Variants in GALNTL6 observed in about 807,000 individuals in gnomAD.
GALNTL6 encodes polypeptide N-acetylgalactosaminyltransferase-like 6.
A neutral mutation model predicts 73.7 loss-of-function variants in GALNTL6; 46 were observed. The ratio of observed to expected loss-of-function variants is 0.62; its 90% CI spans 0.49 to 0.80. The LOEUF (loss-of-function observed/expected upper bound fraction) is 0.80. Ranked by LOEUF, GALNTL6 falls within the 30% of genes least tolerant of loss-of-function variation. The pLI is 0.00. For missense variants in GALNTL6, 604 were observed against 755.0 expected (o/e 0.80, Z 2.34); for synonymous variants, 259 against 263.7 (o/e 0.98, Z 0.17).
chr4:172,633,702 G>A lies in GALNTL6; in HGVS notation c.554-175659G>A, dbSNP rs573323975. 7.9e-5 allele frequency among the ~76,000 whole-genome samples: 12 copies of A among 152,268 alleles called. No homozygotes were observed. The East Asian group carries it at 1.7e-3, about 22-fold the overall frequency. On this transcript the variant is annotated intron_variant, in intron 5 of 12. Transcript: ENST00000506823. Reference sequence around the variant, plus strand: ...TGAGATCTTGGAGGGGCCAGGGGTGGAATGATATGTGCTTTGGCTATGTCC... The same window carrying A: ...TGAGATCTTGGAGGGGCCAGGGGTGAAATGATATGTGCTTTGGCTATGTCC...
chr4:172,550,634 A>G (rs915617049), intron 5 of GALNTL6, among the ~76,000 whole-genome samples: 5 of 152,128 alleles, frequency 3.3e-5, no homozygotes, highest in South Asian at 2.1e-4. Context: ...ATCTTGCTCT[A>G]TCACTCAGGC....
chr4:171,941,201 C>G (rs1738532457), intron 2 of GALNTL6, among the ~76,000 whole-genome samples: 1 of 152,300 alleles, frequency 6.6e-6, no homozygotes, highest in Non-Finnish European at 1.5e-5. Context: ...AGCAAGCTCT[C>G]TGTATTGTGA....
intron 8 of GALNTL6, among the ~76,000 whole-genome samples, chr4:172,929,159 C>G (rs1748203209): frequency 6.6e-6 from 1 of 152,176 alleles, no homozygotes; most frequent in South Asian, 2.1e-4. Flanking sequence ...CAAATCGTTA[C>G]TAAATATCCC....
chr4:172,177,791 A>ATATATATACACACATATATACACATGTG (rs1735075092), intron 2 of GALNTL6, among the ~76,000 whole-genome samples: 50 of 101,788 alleles, frequency 4.9e-4, no homozygotes, highest in African/African-American at 1.6e-3. Flanking sequence ...ACACATGTGT[A>ATATATATACACACATATATACACATGTG]TATATATACA....
chr4:172,596,181 T>C (rs1579225104), intron 5 of GALNTL6, among the ~76,000 whole-genome samples: 1 of 151,962 alleles, frequency 6.6e-6, no homozygotes, highest in South Asian at 2.1e-4. Flanking sequence ...ACTGGCCAGG[T>C]GTGGTGGCTT....
At chr4:172,755,411 G>C (rs1463310010) in intron 5 of GALNTL6, among the ~76,000 whole-genome samples, 1 of 151,272 alleles carries the variant, frequency 6.6e-6, no homozygotes, top group African/African-American at 2.4e-5. Context: ...GTTTTTAGAA[G>C]AAAAGTAAAA....
At chr4:171,880,834 A>G (rs1404863219) in intron 2 of GALNTL6, among the ~76,000 whole-genome samples, 1 of 152,218 alleles carries the variant, frequency 6.6e-6, no homozygotes, top group Non-Finnish European at 1.5e-5. Context: ...AAAACTGTCA[A>G]TAGTTGAAAG....
intron 5 of GALNTL6, among the ~76,000 whole-genome samples, chr4:172,361,273 G>C (rs996718928): frequency 6.9e-6 from 1 of 144,292 alleles, no homozygotes; most frequent in Non-Finnish European, 1.5e-5. Context: ...TGTAGATCAA[G>C]AATGTGTCTT....
At chr4:171,865,311 CA>C (rs1315917206) in intron 2 of GALNTL6, among the ~76,000 whole-genome samples, 7 of 151,814 alleles carry the variant, frequency 4.6e-5, no homozygotes, top group Non-Finnish European at 8.8e-5. Flanking sequence ...GAAAGGTGAG[CA>C]GAAATACAGA....
chr4:172,896,940 T>G (rs1248917782), intron 8 of GALNTL6, among the ~76,000 whole-genome samples: 1 of 151,754 alleles, frequency 6.6e-6, no homozygotes, highest in African/African-American at 2.4e-5. Context: ...TGGGCCCACC[T>G]CTCCCAGCAG....
chr4:172,857,733 C>A (rs1238768312), intron 7 of GALNTL6, among the ~76,000 whole-genome samples: 1 of 152,104 alleles, frequency 6.6e-6, no homozygotes, highest in Non-Finnish European at 1.5e-5. Flanking sequence ...TCCAATGATT[C>A]TTTAATGAAT....
chr4:172,960,095 T>A (rs935091647), intron 10 of GALNTL6, among the ~76,000 whole-genome samples: 2 of 152,300 alleles, frequency 1.3e-5, no homozygotes, highest in African/African-American at 4.8e-5. Flanking sequence ...GCAGATTAGG[T>A]AATAAAATAA....
intron 2 of GALNTL6, among the ~76,000 whole-genome samples, chr4:172,161,963 A>C (rs1734482711): frequency 6.6e-6 from 1 of 152,032 alleles, no homozygotes; most frequent in Admixed American, 6.6e-5. Flanking sequence ...ATAAGTGGTA[A>C]AAGTGAAGTG....
At chr4:171,831,108 G>C (rs1313023650) in intron 2 of GALNTL6, among the ~76,000 whole-genome samples, 1 of 152,004 alleles carries the variant, frequency 6.6e-6, no homozygotes, top group Non-Finnish European at 1.5e-5. Context: ...GAATGCTTCA[G>C]ACCTTAAGAC....
chr4:172,706,730 G>C (rs1249642747), intron 5 of GALNTL6, among the ~76,000 whole-genome samples: 1 of 152,084 alleles, frequency 6.6e-6, no homozygotes, highest in Admixed American at 6.6e-5. Context: ...TCAGACTGCG[G>C]GGATCCCAGT....
chr4:172,464,308 A>T (rs1732725421), intron 5 of GALNTL6, among the ~76,000 whole-genome samples: 1 of 152,172 alleles, frequency 6.6e-6, no homozygotes, highest in African/African-American at 2.4e-5. Context: ...GATGATGATG[A>T]CTAATATTGA....
At chr4:172,813,845 T>G in intron 7 of GALNTL6, 122 bp downstream of exon 7, 1 of 707,268 alleles carries the variant, frequency 1.4e-6, no homozygotes, top group South Asian at 2.5e-5. Context: ...GGCAACAATA[T>G]GCAAAACATC....
intron 2 of GALNTL6, among the ~76,000 whole-genome samples, chr4:172,116,967 T>C (rs1732999724): frequency 6.6e-6 from 1 of 152,212 alleles, no homozygotes; most frequent in East Asian, 1.9e-4. Context: ...AATCTGTTTA[T>C]ATTATTCTAA....
intron 3 of GALNTL6, among the ~76,000 whole-genome samples, chr4:172,279,752 G>A (rs896959277): frequency 1.3e-5 from 2 of 152,060 alleles, no homozygotes; most frequent in African/African-American, 4.8e-5. Flanking sequence ...TGAAAGCAGG[G>A]TCTTGAAAAG....
Sources: allele counts gnomAD v4.1 joint callset (sites outside exome capture counted in the v4.1 genomes callset), GRCh38; gene constraint gnomAD v4.1.1; transcripts MANE v1.5; gene names NCBI Gene and HGNC (gene_info 2026-07-23, HGNC 2026-07-21).